Variants in ACTA2 observed in about 807,000 individuals in gnomAD.
ACTA2 encodes actin alpha 2, smooth muscle.
In ACTA2, 12 loss-of-function variants were observed where a neutral mutation model predicts 39.5. The ratio of observed to expected loss-of-function variants is 0.30; its 90% CI spans 0.19 to 0.49. The LOEUF is 0.49. ACTA2 is among the 20% of genes least tolerant of loss of function. ACTA2 has a pLI of 0.99. For missense variants in ACTA2, 236 were observed against 498.8 expected, an observed-to-expected ratio of 0.47 and a Z score of 5.02; for synonymous variants, 158 against 180.6, an observed-to-expected ratio of 0.88 and a Z score of 1.00.
intron 1 of ACTA2, among the ~76,000 whole-genome samples, chr10:88,984,092 G>A (rs1321996339): frequency 1.3e-5 from 2 of 152,164 alleles, no homozygotes; most frequent in African/African-American, 4.8e-5. Flanking sequence ...CTTTTTCACA[G>A]AGCTATTCTA....
chr10:88,986,810 G>A (rs970055486), intron 1 of ACTA2, among the ~76,000 whole-genome samples: 1 of 152,146 alleles, frequency 6.6e-6, no homozygotes, highest in Non-Finnish European at 1.5e-5. Flanking sequence ...GTGGTTGTAA[G>A]CCATTTAACT....
upstream of ACTA2, among the ~76,000 whole-genome samples, chr10:88,954,430 G>A (rs1846100957): frequency 1.3e-5 from 2 of 152,050 alleles, no homozygotes; most frequent in Non-Finnish European, 2.9e-5. Flanking sequence ...GGGCATTTGG[G>A]GTTAATTCAT....
upstream of ACTA2, among the ~76,000 whole-genome samples, chr10:88,955,108 T>C (rs1346397586): frequency 6.6e-6 from 1 of 151,866 alleles, no homozygotes; most frequent in Admixed American, 6.6e-5. Context: ...TAAAATAAAT[T>C]CCAAGCTAAA....
At chr10:88,970,168 T>C (rs4934431) in intron 1 of ACTA2, among the ~76,000 whole-genome samples, 113,305 of 152,010 alleles carry the variant, frequency 0.75, 43,219 homozygotes, top group Non-Finnish European at 0.83. Context: ...TTTACTGTAC[T>C]TGGATCAAGG....
chr10:88,950,454 C>A (rs566197869), intron 1 of ACTA2, among the ~76,000 whole-genome samples: 4 of 152,340 alleles, frequency 2.6e-5, no homozygotes, highest in Admixed American at 2.6e-4. Flanking sequence ...ATCAAACCTG[C>A]ATCTTGCCAA....
In ACTA2 at chr10:88,943,855, G is replaced by T; in HGVS notation, c.311C>A (p.Pro104His). The T allele has an allele frequency of 6.2e-7, 1 of 1,613,958 alleles. No homozygotes were observed. Among genetic ancestry groups the T allele is most frequent in the Non-Finnish European group, 8.5e-7 (1 of 1,179,922 alleles). Residue 104 changes from proline (P) to histidine (H), a missense_variant, in exon 4 of 9, where the codon CCC becomes CAC. Coordinates refer to ENST00000224784, the MANE Select transcript of ACTA2 (RefSeq NM_001613.4). ...NELRVAPEEHPTLLTEAPLNP... is the reference protein window; with the variant it reads ...NELRVAPEEHHTLLTEAPLNP... ...CAGGGGTGCCTCCGTGAGCAGGGTG[G>T]GATGCTCTTCAGGGGCAACACGAAG...
chr10:88,942,678 G>T (rs964753234), intron 4 of ACTA2, among the ~76,000 whole-genome samples: 2 of 152,052 alleles, frequency 1.3e-5, no homozygotes, highest in African/African-American at 2.4e-5. Flanking sequence ...CCATCTGTAA[G>T]ACCCTTCCTA....
intron 1 of ACTA2, among the ~76,000 whole-genome samples, chr10:88,981,132 G>T (rs1846700725): frequency 6.6e-6 from 1 of 152,220 alleles, no homozygotes; most frequent in African/African-American, 2.4e-5. Context: ...AGCGGGGCCA[G>T]TCCACAGGGT....
intron 1 of ACTA2, 128 bp downstream of exon 1, chr10:88,952,603 A>G (rs1169143602): frequency 6.6e-6 from 1 of 152,250 alleles, no homozygotes; most frequent in African/African-American, 2.4e-5. Flanking sequence ...TTTTAGTAGT[A>G]CAATCTTCAT....
chr10:88,978,523 T>C (rs1463826081), intron 1 of ACTA2, among the ~76,000 whole-genome samples: 2 of 152,226 alleles, frequency 1.3e-5, no homozygotes, highest in Non-Finnish European at 2.9e-5. Context: ...CAGCCTTTCA[T>C]CACCCCTGCT....
At chr10:88,954,385 T>TA (rs1429774779), upstream of ACTA2, among the ~76,000 whole-genome samples, 1 of 152,072 alleles carries the variant, frequency 6.6e-6, no homozygotes, top group African/African-American at 2.4e-5. Flanking sequence ...ATTAGAATGT[T>TA]AAAATATAAA....
chr10:88,946,473 G>A (rs982164236), intron 3 of ACTA2, among the ~76,000 whole-genome samples: 6 of 151,774 alleles, frequency 4.0e-5, no homozygotes, highest in Admixed American at 3.9e-4. Context: ...GCCCACTGCA[G>A]CCTCCATATC....
At chr10:88,954,767 T>C (rs1846106717), upstream of ACTA2, among the ~76,000 whole-genome samples, 2 of 152,134 alleles carry the variant, frequency 1.3e-5, no homozygotes, top group Non-Finnish European at 2.9e-5. Context: ...AAATAATCTA[T>C]GACACTAACC....
At chr10:88,966,866 G>A (rs900592073) in intron 1 of ACTA2, among the ~76,000 whole-genome samples, 2 of 152,172 alleles carry the variant, frequency 1.3e-5, no homozygotes, top group East Asian at 3.8e-4. Context: ...GGTGTCAGGT[G>A]GTGTTTAAAT....
intron 1 of ACTA2, among the ~76,000 whole-genome samples, chr10:88,960,915 T>C (rs2133298194): frequency 6.6e-6 from 1 of 152,306 alleles, no homozygotes; most frequent in East Asian, 1.9e-4. Context: ...TTGGCTTTGG[T>C]AAAGCTACAG....
intron 1 of ACTA2, among the ~76,000 whole-genome samples, chr10:88,977,058 T>C (rs374985092): frequency 5.9e-5 from 9 of 152,240 alleles, no homozygotes; most frequent in African/African-American, 2.2e-4. Context: ...GAATTAATGC[T>C]TGTGTGGACT....
chr10:88,953,253 C>CTATA (rs1257452078), upstream of ACTA2, among the ~76,000 whole-genome samples: 3 of 152,156 alleles, frequency 2.0e-5, no homozygotes, highest in Admixed American at 6.5e-5. Flanking sequence ...CTTCAGTCGT[C>CTATA]TATAAATACA....
chr10:88,962,820 A>G (rs1273236068), intron 1 of ACTA2, among the ~76,000 whole-genome samples: 3 of 150,674 alleles, frequency 2.0e-5, no homozygotes, highest in Non-Finnish European at 3.0e-5. Context: ...CACATGGCTG[A>G]GGAGGCCTCA....
intron 1 of ACTA2, among the ~76,000 whole-genome samples, chr10:88,971,262 G>A (rs1211761003): frequency 6.6e-6 from 1 of 152,194 alleles, no homozygotes; most frequent in South Asian, 2.1e-4. Flanking sequence ...TGAAGTAACA[G>A]ATGATGTATC....
Sources: gnomAD v4.1 joint callset for allele counts (sites outside exome capture counted in the v4.1 genomes callset) on GRCh38, gnomAD v4.1.1 for gene constraint, MANE v1.5 for transcripts, NCBI Gene and HGNC (gene_info 2026-07-23, HGNC 2026-07-21) for gene names.